Variants in FRMD4A observed in about 807,000 individuals in gnomAD.
FRMD4A encodes FERM domain-containing protein 4A.
In FRMD4A, 29 loss-of-function variants were observed where a neutral mutation model predicts 129.1. That is an observed-to-expected ratio of 0.22 (90% CI 0.17 to 0.31). The LOEUF (loss-of-function observed/expected upper bound fraction) is 0.31. Among genes scored for constraint, FRMD4A ranks in the 10% least tolerant of loss-of-function variants. The pLI is 1.00. For synonymous variants in FRMD4A, 634 were observed against 571.6 expected, an observed-to-expected ratio of 1.11 and a Z score of -1.56; for missense variants, 1,272 against 1,375.8, an observed-to-expected ratio of 0.92 and a Z score of 1.19.
intron 2 of FRMD4A, among the ~76,000 whole-genome samples, chr10:13,960,580 G>A (rs1190167087): frequency 3.3e-5 from 5 of 152,208 alleles, no homozygotes; most frequent in Admixed American, 1.3e-4. Flanking sequence ...TTTGGACTCC[G>A]AAGGGGAAGC....
intron 2 of FRMD4A, among the ~76,000 whole-genome samples, chr10:14,059,584 C>A (rs1834708914): frequency 6.6e-6 from 1 of 152,176 alleles, no homozygotes; most frequent in Non-Finnish European, 1.5e-5. Context: ...TAAGTGGGAA[C>A]ATTGACCTTG....
intron 6 of FRMD4A, among the ~76,000 whole-genome samples, chr10:13,775,964 C>T (rs1336125134): frequency 1.3e-5 from 2 of 152,204 alleles, no homozygotes; most frequent in African/African-American, 4.8e-5. Flanking sequence ...AAACGAGCTG[C>T]AACCACAGGA....
At chr10:13,884,198 A>ACACACTCACT (rs2094588829) in intron 2 of FRMD4A, among the ~76,000 whole-genome samples, 2 of 65,142 alleles carry the variant, frequency 3.1e-5, no homozygotes, top group South Asian at 1.4e-3. Flanking sequence ...ACACACACTC[A>ACACACTCACT]CACACACACT....
chr10:13,848,914 T>G (rs2131002290), intron 3 of FRMD4A, among the ~76,000 whole-genome samples: 1 of 152,270 alleles, frequency 6.6e-6, no homozygotes, highest in South Asian at 2.1e-4. Context: ...ACTCAATGCG[T>G]TTTTTATTAC....
At chr10:14,272,783 C>T (rs1157196473) in intron 2 of FRMD4A, among the ~76,000 whole-genome samples, 2 of 152,094 alleles carry the variant, frequency 1.3e-5, no homozygotes, top group Non-Finnish European at 2.9e-5. Flanking sequence ...TATTGACTTG[C>T]CTTAATCTCT....
chr10:13,782,814 G>T (rs1389142634), intron 6 of FRMD4A, 108 bp downstream of exon 6: 2 of 704,500 alleles, frequency 2.8e-6, no homozygotes, highest in African/African-American at 1.8e-5. Context: ...ATTTATAAAT[G>T]ACTTCTCCTA....
intron 2 of FRMD4A, among the ~76,000 whole-genome samples, chr10:13,914,257 T>C (rs1418360630): frequency 1.3e-5 from 2 of 152,246 alleles, no homozygotes; most frequent in Non-Finnish European, 2.9e-5. Context: ...TGAAAACGTA[T>C]ACTCTTATCA....
chr10:13,805,740 G>A (rs1031731919), intron 4 of FRMD4A, among the ~76,000 whole-genome samples: 1 of 152,124 alleles, frequency 6.6e-6, no homozygotes, highest in Non-Finnish European at 1.5e-5. Context: ...CAGGGCTGGA[G>A]TGCAGTGGTG....
chr10:13,925,828 C>A (rs1970578), intron 2 of FRMD4A, among the ~76,000 whole-genome samples: 82,778 of 149,456 alleles, frequency 0.55, 23,888 homozygotes, highest in East Asian at 0.98. Context: ...CGTGATCTGC[C>A]CACCTCGGCC....
At chr10:14,248,437 T>C (rs1035668640) in intron 2 of FRMD4A, among the ~76,000 whole-genome samples, 4 of 152,012 alleles carry the variant, frequency 2.6e-5, no homozygotes, top group Admixed American at 6.6e-5. Context: ...TATTCATCAA[T>C]GTGTTCGTTA....
At chr10:13,822,991 A>G (rs897240216) in intron 3 of FRMD4A, among the ~76,000 whole-genome samples, 3 of 151,612 alleles carry the variant, frequency 2.0e-5, no homozygotes, top group African/African-American at 7.3e-5. Context: ...CTTCCCCTTT[A>G]TGCTTTTATT....
chr10:14,024,787 A>T (rs968948165), intron 2 of FRMD4A, among the ~76,000 whole-genome samples: 5 of 152,228 alleles, frequency 3.3e-5, no homozygotes, highest in African/African-American at 1.2e-4. Flanking sequence ...GAGAAGTGAG[A>T]TGGGGTGAAA....
intron 2 of FRMD4A, among the ~76,000 whole-genome samples, chr10:14,185,463 C>T (rs183554456): frequency 1.6e-3 from 249 of 152,262 alleles, no homozygotes; most frequent in Middle Eastern, 3.4e-3. Context: ...GAAATTAGTA[C>T]AAAAAACATT....
At chr10:14,140,394 C>T (rs1010591777) in intron 2 of FRMD4A, among the ~76,000 whole-genome samples, 5 of 152,192 alleles carry the variant, frequency 3.3e-5, no homozygotes, top group Admixed American at 6.5e-5. Context: ...GATTTCAGTA[C>T]CTGCCATATG....
chr10:14,296,041 T>C (rs1389527635), intron 2 of FRMD4A, among the ~76,000 whole-genome samples: 3 of 152,112 alleles, frequency 2.0e-5, no homozygotes, highest in African/African-American at 7.2e-5. Flanking sequence ...AAGAAGTGAC[T>C]TCATGGCTGT....
chr10:13,843,283 G>C (rs2093995646), intron 3 of FRMD4A, among the ~76,000 whole-genome samples: 1 of 152,158 alleles, frequency 6.6e-6, no homozygotes, highest in Admixed American at 6.5e-5. Context: ...AAGTGACACT[G>C]AGGCTGTTTG....
chr10:14,071,020 G>T (rs1273388363), intron 2 of FRMD4A, among the ~76,000 whole-genome samples: 1 of 152,208 alleles, frequency 6.6e-6, no homozygotes, highest in Non-Finnish European at 1.5e-5. Flanking sequence ...GTATTCTCTG[G>T]AAAAAGGCTT....
chr10:14,292,725 G>A (rs1204153542), intron 2 of FRMD4A, among the ~76,000 whole-genome samples: 1 of 152,222 alleles, frequency 6.6e-6, no homozygotes. Flanking sequence ...GTATGAACTC[G>A]GGAGGTGGAG....
intron 2 of FRMD4A, among the ~76,000 whole-genome samples, chr10:14,012,574 A>G (rs1284597491): frequency 3.3e-5 from 5 of 152,112 alleles, no homozygotes; most frequent in African/African-American, 9.7e-5. Context: ...CAGCAGCAGG[A>G]GGGGGAAGAG....
Sources: allele counts gnomAD v4.1 joint callset (sites outside exome capture counted in the v4.1 genomes callset), GRCh38; gene constraint gnomAD v4.1.1; transcripts MANE v1.5; gene names NCBI Gene and HGNC (gene_info 2026-07-23, HGNC 2026-07-21).